KCNT2: variants seen among roughly 807,000 people sequenced by gnomAD.
KCNT2 encodes potassium sodium-activated channel subfamily T member 2.
In KCNT2, 67 loss-of-function variants were observed where a neutral mutation model predicts 153.8. The observed-to-expected ratio is 0.44, with a 90% CI of 0.36 to 0.53. KCNT2 has a LOEUF of 0.53. Ranked by LOEUF, KCNT2 falls within the 20% of genes least tolerant of loss-of-function variation. KCNT2 has a pLI of 0.00. For missense variants in KCNT2, 975 were observed against 1,354.8 expected (o/e 0.72, Z 4.40); for synonymous variants, 500 against 458.8 (o/e 1.09, Z -1.15).
At position 196,401,738 on chromosome 1, in the gene KCNT2, A is replaced by G. The variant is rs558519829; in HGVS notation, c.1186-3067T>C. Among the ~76,000 whole-genome samples the G allele has an allele frequency of 3.3e-5, 5 of 151,740 alleles. No individual in the cohort carries two copies. In the South Asian group the frequency reaches 8.3e-4, roughly 25 times the overall value. ...ACATAATATAATTGAATTCCCAAAA[A>G]GAAAACAAATGAGAAAAACTAGCAG... On this transcript the variant is annotated intron_variant, in intron 12 of 27. Coordinates refer to ENST00000294725, the MANE Select transcript of KCNT2 (RefSeq NM_198503.5).
intron 22 of KCNT2, among the ~76,000 whole-genome samples, chr1:196,292,017 GT>G (rs1660228451): frequency 6.6e-6 from 1 of 152,112 alleles, no homozygotes; most frequent in African/African-American, 2.4e-5. Flanking sequence ...TATTTTAAAT[GT>G]GTCTTAAAAA....
intron 13 of KCNT2, among the ~76,000 whole-genome samples, chr1:196,379,765 T>A (rs1669318550): frequency 6.6e-6 from 1 of 152,184 alleles, no homozygotes. Flanking sequence ...AGTGGTCAAG[T>A]GGTATCACCA....
intron 1 of KCNT2, among the ~76,000 whole-genome samples, chr1:196,548,988 C>G: frequency 6.6e-6 from 1 of 150,792 alleles, no homozygotes; most frequent in Non-Finnish European, 1.5e-5. Flanking sequence ...GGGAACATCA[C>G]ACTCTGGGGA....
At chr1:196,586,224 G>A (rs998719509) in intron 1 of KCNT2, among the ~76,000 whole-genome samples, 3 of 151,878 alleles carry the variant, frequency 2.0e-5, no homozygotes, top group Non-Finnish European at 4.4e-5. Flanking sequence ...AGATTCTGCT[G>A]CTACACTCCA....
chr1:196,300,677 T>C (rs988828979), intron 22 of KCNT2, among the ~76,000 whole-genome samples: 4 of 152,184 alleles, frequency 2.6e-5, no homozygotes, highest in Non-Finnish European at 5.9e-5. Flanking sequence ...TGCCTAGGCA[T>C]ACAAATACAC....
At chr1:196,429,779 A>G (rs1673975044) in intron 8 of KCNT2, 22 bp from the exon 9 acceptor site, 1 of 1,530,232 alleles carries the variant, frequency 6.5e-7, no homozygotes, top group East Asian at 2.3e-5. Context: ...AATATGCATT[A>G]CAATTAAATC....
chr1:196,479,071 C>G, intron 5 of KCNT2, 108 bp downstream of exon 5: 1 of 713,666 alleles, frequency 1.4e-6, no homozygotes, highest in South Asian at 1.7e-5. Flanking sequence ...CAAAGTGGCT[C>G]AAGAAGAGTC....
intron 11 of KCNT2, among the ~76,000 whole-genome samples, chr1:196,425,274 G>A (rs1392015027): frequency 2.0e-5 from 3 of 151,806 alleles, no homozygotes; most frequent in Non-Finnish European, 4.4e-5. Flanking sequence ...AAGACAAATT[G>A]CCTGGTACAT....
At chr1:196,369,073 C>T (rs912403257) in intron 14 of KCNT2, among the ~76,000 whole-genome samples, 2 of 151,880 alleles carry the variant, frequency 1.3e-5, no homozygotes, top group Non-Finnish European at 2.9e-5. Context: ...TTTTTCTTAC[C>T]CCTCGATTAT....
intron 1 of KCNT2, among the ~76,000 whole-genome samples, chr1:196,592,479 T>C (rs1317906364): frequency 1.4e-5 from 2 of 147,858 alleles, no homozygotes; most frequent in East Asian, 3.9e-4. Context: ...TTATAGCACA[T>C]ATATTAATAT....
chr1:196,411,895 G>A (rs1420590383), intron 12 of KCNT2, among the ~76,000 whole-genome samples: 1 of 151,716 alleles, frequency 6.6e-6, no homozygotes, highest in African/African-American at 2.4e-5. Flanking sequence ...TGCTCCTATG[G>A]AAAATTTTGT....
intron 14 of KCNT2, among the ~76,000 whole-genome samples, chr1:196,368,146 G>C (rs546142281): frequency 5.3e-5 from 8 of 152,110 alleles, no homozygotes; most frequent in Non-Finnish European, 1.2e-4. Flanking sequence ...ACATGGGGCA[G>C]AACACATTTT....
In KCNT2 at chr1:196,521,420, C is replaced by T. The variant is rs557812139; in HGVS notation, c.96-29079G>A. Reference sequence around the variant, plus strand: ...CTCAAAGAGCTAAAAACAGTACCACCATTTGACCCAACAATCCCATTACTG... The same window carrying T: ...CTCAAAGAGCTAAAAACAGTACCACTATTTGACCCAACAATCCCATTACTG... On this transcript the variant is annotated intron_variant, in intron 1 of 27. Transcript: ENST00000294725. Among the ~76,000 whole-genome samples, 3 of 152,234 alleles carry T rather than the reference C, an allele frequency of 2.0e-5. No homozygotes were observed. In the East Asian group the frequency reaches 5.8e-4, roughly 29 times the overall value.
intron 8 of KCNT2, among the ~76,000 whole-genome samples, chr1:196,436,491 A>G (rs184690005): frequency 6.6e-6 from 1 of 151,662 alleles, no homozygotes; most frequent in African/African-American, 2.4e-5. Flanking sequence ...ACAAACATTA[A>G]TATTACACAA....
At chr1:196,361,788 CAG>C (rs1429649659) in intron 14 of KCNT2, among the ~76,000 whole-genome samples, 2 of 152,100 alleles carry the variant, frequency 1.3e-5, no homozygotes, top group Admixed American at 6.6e-5. Flanking sequence ...TTAATGAAAA[CAG>C]AGGCTCAGAT....
intron 8 of KCNT2, among the ~76,000 whole-genome samples, chr1:196,462,045 G>A (rs1677198950): frequency 6.6e-6 from 1 of 151,686 alleles, no homozygotes; most frequent in East Asian, 1.9e-4. Flanking sequence ...ATTTAGTAAT[G>A]TTAATTTCTG....
chr1:196,294,106 C>T (rs111762139), intron 22 of KCNT2, among the ~76,000 whole-genome samples: 1 of 152,050 alleles, frequency 6.6e-6, no homozygotes, highest in Non-Finnish European at 1.5e-5. Flanking sequence ...AAAAGCTGAT[C>T]AACATCACTG....
At chr1:196,280,738 G>T in intron 25 of KCNT2, 122 bp downstream of exon 25, 1 of 921,368 alleles carries the variant, frequency 1.1e-6, no homozygotes, top group Non-Finnish European at 1.7e-6. Flanking sequence ...TTAACACTAC[G>T]TATTCAGGTA....
At chr1:196,429,128 G>A (rs1184792138) in intron 9 of KCNT2, among the ~76,000 whole-genome samples, 3 of 151,468 alleles carry the variant, frequency 2.0e-5, no homozygotes, top group African/African-American at 7.3e-5. Context: ...ATAGGCATGA[G>A]CCCTGCACCT....
Sources: allele counts gnomAD v4.1 joint callset (sites outside exome capture counted in the v4.1 genomes callset), GRCh38; gene constraint gnomAD v4.1.1; transcripts MANE v1.5; gene names NCBI Gene and HGNC (gene_info 2026-07-23, HGNC 2026-07-21).